Variants in AGRN observed in about 807,000 individuals in gnomAD.
AGRN encodes agrin proteoglycan.
Under a neutral mutation model 211.0 loss-of-function variants are expected in AGRN, and 106 were observed. The observed-to-expected ratio is 0.50, with a 90% CI of 0.43 to 0.59. The LOEUF is 0.59. Ranked by LOEUF, AGRN falls within the 20% of genes least tolerant of loss-of-function variation. The probability of loss-of-function intolerance (pLI) is 0.00; values close to 1 mark genes in which losing one functional copy is unlikely to be tolerated. For missense variants in AGRN, 3,040 were observed against 2,982.6 expected (o/e 1.02, Z -0.45); for synonymous variants, 1,525 against 1,332.5 (o/e 1.14, Z -3.15).
At chr1:1,028,320 G>GCACCCCCCCCCCCCCC (rs779617012) in intron 2 of AGRN, among the ~76,000 whole-genome samples, 1 of 105,092 alleles carries the variant, frequency 9.5e-6, no homozygotes. Flanking sequence ...GTGGGGAAAC[G>GCACCCCCCCCCCCCCC]CCCCCCCCCC....
intron 2 of AGRN, among the ~76,000 whole-genome samples, chr1:1,023,541 A>G (rs1305355506): frequency 6.6e-6 from 1 of 151,994 alleles, no homozygotes; most frequent in Admixed American, 6.5e-5. Context: ...TGGGGAAAAG[A>G]TGGGGGCATC....
intron 2 of AGRN, among the ~76,000 whole-genome samples, chr1:1,030,390 TGTGC>T (rs2100590572): frequency 9.5e-6 from 1 of 104,770 alleles, no homozygotes. Flanking sequence ...TGTGTGTGTG[TGTGC>T]AGTGCATGGT....
At chr1:1,024,742 G>A (rs1644481302) in intron 2 of AGRN, among the ~76,000 whole-genome samples, 1 of 152,086 alleles carries the variant, frequency 6.6e-6, no homozygotes, top group South Asian at 2.1e-4. Flanking sequence ...GCCCTGCCCA[G>A]CCAAGGCCCC....
At chr1:1,050,362 C>T (rs750516520) in intron 28 of AGRN, 33 bp downstream of exon 28, 4 of 1,612,642 alleles carry the variant, frequency 2.5e-6, no homozygotes, top group Non-Finnish European at 2.5e-6. Flanking sequence ...GAAGGGCCGG[C>T]CCCCACCTCC....
chr1:1,030,541 G>A (rs1644642279), intron 2 of AGRN, among the ~76,000 whole-genome samples: 1 of 110,398 alleles, frequency 9.1e-6, no homozygotes, highest in Non-Finnish European at 1.9e-5. Flanking sequence ...GCGTGTGTGT[G>A]TGCAGCGCAT....
rs1485406224 is a variant in AGRN, at chr1:1,054,955, G to C, written c.6112G>C (p.Glu2038Gln). Residue 2038 changes from glutamate (E) to glutamine (Q), a missense_variant, in exon 36 of 36, where the codon GAG becomes CAG. By Grantham distance (29) the Glu-to-Gln change is conservative (BLOSUM62 2). Around this residue, in one of 3 missense-constraint regions of AGRN, gnomAD observed 1,537 missense variants for 1,505.0 expected, o/e 1.02. Coordinates refer to ENST00000379370, the MANE Select transcript of AGRN (RefSeq NM_198576.4). Reference sequence around the variant, plus strand: ...GCTGGAGGACGCCGTCACCAAGCCAGAGCTGCGGCCCTGCCCCACCCCATG... The same window carrying C: ...GCTGGAGGACGCCGTCACCAAGCCACAGCTGCGGCCCTGCCCCACCCCATG... Reference protein sequence around the residue: ...HLLEDAVTKPELRPCPTP With the variant: ...HLLEDAVTKPQLRPCPTP The C allele has an allele frequency of 6.5e-7, 1 of 1,549,070 alleles. No individual in the cohort carries two copies.
At chr1:1,050,063 AGGGGG>A (rs71576592) in intron 27 of AGRN, 26 bp downstream of exon 27, 2 of 1,027,520 alleles carry the variant, frequency 1.9e-6, no homozygotes, top group African/African-American at 3.4e-5. Context: ...CTCTCGGGGC[AGGGGG>A]GGGGGGGGGG....
intron 19 of AGRN, 114 bp from the exon 20 acceptor site, chr1:1,047,213 T>G: frequency 6.7e-7 from 1 of 1,493,370 alleles, no homozygotes; most frequent in Non-Finnish European, 8.9e-7. Context: ...CATGACCATC[T>G]GACTAACATC....
chr1:1,030,966 CAT>C (rs200068027), intron 2 of AGRN, among the ~76,000 whole-genome samples: 6 of 91,174 alleles, frequency 6.6e-5, no homozygotes, highest in African/African-American at 8.7e-5. Context: ...GTGAGATCAG[CAT>C]GTGTGTGTGT....
chr1:1,035,028 T>C (rs976129569), intron 2 of AGRN: 2 of 594,484 alleles, frequency 3.4e-6, no homozygotes, highest in African/African-American at 3.7e-5. Context: ...CCCCTGTGGC[T>C]GGGGCCCCAT....
intron 1 of AGRN, among the ~76,000 whole-genome samples, 199 bp from the exon 2 acceptor site, chr1:1,022,002 C>G (rs1644416442): frequency 6.6e-6 from 1 of 152,258 alleles, no homozygotes; most frequent in African/African-American, 2.4e-5. Flanking sequence ...TGACGCATCT[C>G]TGAGCGTTCC....
intron 1 of AGRN, among the ~76,000 whole-genome samples, chr1:1,020,666 G>A (rs1450945506): frequency 6.7e-6 from 1 of 148,742 alleles, no homozygotes; most frequent in Non-Finnish European, 1.5e-5. Flanking sequence ...GGCCGAGAAG[G>A]AGAGGGGCCT....
intron 19 of AGRN, 51 bp downstream of exon 19, chr1:1,047,008 G>A (rs566259205): frequency 3.6e-5 from 56 of 1,552,074 alleles, no homozygotes; most frequent in African/African-American, 2.5e-4. Context: ...GGGCTCGGCC[G>A]AGGTGCTGCC....
chr1:1,054,098 G>C, intron 34 of AGRN, 121 bp downstream of exon 34: 1 of 1,094,086 alleles, frequency 9.1e-7, no homozygotes. Flanking sequence ...TGCCTGAGCC[G>C]AGGTCACTGC....
chr1:1,043,746 TG>T lies in AGRN; in HGVS notation c.1798+18del. On this transcript the variant is annotated intron_variant, in intron 9 of 35. Transcript: ENST00000379370. ...CTGGACCCTGTGGTGAGTGAGGCCCTGGGGCCGGGCGGGCCAGGGTCCTGTG... is the reference window on the plus strand; with the variant it reads ...CTGGACCCTGTGGTGAGTGAGGCCCTGGGCCGGGCGGGCCAGGGTCCTGTG... The T allele has an allele frequency of 6.2e-7, 1 of 1,602,012 alleles. No individual in the cohort carries two copies. The highest frequency in any genetic ancestry group is 1.1e-5 in the South Asian group (1 of 91,066).
At chr1:1,023,888 G>A (rs1449023041) in intron 2 of AGRN, among the ~76,000 whole-genome samples, 1 of 152,224 alleles carries the variant, frequency 6.6e-6, no homozygotes, top group Non-Finnish European at 1.5e-5. Context: ...GCTTAGCCCA[G>A]CTGTGGGCAG....
chr1:1,054,328 A>C, intron 34 of AGRN, 120 bp from the exon 35 acceptor site: 1 of 927,114 alleles, frequency 1.1e-6, no homozygotes, highest in Non-Finnish European at 1.7e-6. Context: ...CAGGGGTGAT[A>C]CCTCGGGGGT....
chr1:1,051,382 G>A lies in AGRN; in HGVS notation c.5370+13G>A, dbSNP rs1263084498. 15 of 1,556,846 alleles carry A rather than the reference G, an allele frequency of 9.6e-6. No individual in the cohort carries two copies. The highest frequency in any genetic ancestry group is 4.7e-5 in the East Asian group (2 of 42,566). ...TGCCATCCAGCTGGTATGTGGGGGC[G>A]GGGCGTCCCAGCAGGGCCTCCGGGG... On this transcript the variant is annotated intron_variant, in intron 31 of 35. Coordinates refer to ENST00000379370, the MANE Select transcript of AGRN (RefSeq NM_198576.4).
Position 1,054,946 on chromosome 1 carries a change from A to G in AGRN, c.6103A>G (p.Thr2035Ala), listed in dbSNP as rs1278907897. ...GCTGCACCTGCTGGAGGACGCCGTC[A>G]CCAAGCCAGAGCTGCGGCCCTGCCC... ...HPLHLLEDAV[T>A]KPELRPCPTP The change falls in exon 36 of 36, where the codon ACC (threonine) becomes GCC (alanine). Residue 2035 changes from threonine (T) to alanine (A), a missense_variant. Thr to Ala is a moderately conservative substitution (Grantham distance 58, BLOSUM62 0). Transcript: ENST00000379370. 1 of 1,549,086 alleles carries G rather than the reference A, an allele frequency of 6.5e-7. No individual in the cohort carries two copies. The highest frequency in any genetic ancestry group is 1.4e-5 in the African/African-American group (1 of 73,138).
Sources: allele counts gnomAD v4.1 joint callset (sites outside exome capture counted in the v4.1 genomes callset), GRCh38; gene constraint gnomAD v4.1.1; regional missense constraint gnomAD v4.1.1; transcripts MANE v1.5; gene names NCBI Gene and HGNC (gene_info 2026-07-23, HGNC 2026-07-21).